Variants in HERC4 observed in about 807,000 individuals in gnomAD.
HERC4 encodes the protein HECT and RLD domain containing E3 ubiquitin protein ligase 4, also known as probable E3 ubiquitin-protein ligase HERC4.
A neutral mutation model predicts 124.3 loss-of-function variants in HERC4; 28 were observed. The observed-to-expected ratio is 0.23, with a 90% confidence interval of 0.17 to 0.31. The LOEUF is 0.31. Among genes scored for constraint, HERC4 ranks in the 10% least tolerant of loss-of-function variants. The pLI is 1.00. For synonymous variants in HERC4, 407 were observed against 421.5 expected (o/e 0.97, Z 0.42); for missense variants, 713 against 1,229.3 (o/e 0.58, Z 6.28).
intron 3 of HERC4, among the ~76,000 whole-genome samples, chr10:68,059,466 T>TTATATATTATATATTATAATAA (rs1564606685): frequency 3.8e-5 from 5 of 132,180 alleles, no homozygotes; most frequent in African/African-American, 1.1e-4. Context: ...TATAATAATA[T>TTATATATTATATATTATAATAA]TATATATTAT....
At position 67,983,097 on chromosome 10, in the gene HERC4, A is replaced by G. The variant is rs150275350; in HGVS notation, c.1806+5566T>C. 2.3e-4 allele frequency among the ~76,000 whole-genome samples: 35 copies of G among 151,928 alleles called. 2 individuals are homozygous for G. In the East Asian group the frequency reaches 6.6e-3, roughly 29 times the overall value. ...GAGCAAAAAAAAAAAAAAACAAAAC[A>G]AAAACAAACGGGCATATGAAAAGGC... On this transcript the variant is annotated intron_variant, in intron 15 of 24. Transcript: ENST00000373700.
intron 3 of HERC4, among the ~76,000 whole-genome samples, chr10:68,057,709 T>C (rs1589439886): frequency 8.2e-6 from 1 of 122,498 alleles, no homozygotes; most frequent in South Asian, 2.8e-4. Context: ...CACCTTATTA[T>C]TTTTTTTTTT....
chr10:67,983,086 A>C (rs117496261), intron 15 of HERC4, among the ~76,000 whole-genome samples: 14,636 of 151,828 alleles, frequency 0.096, 902 homozygotes, highest in Middle Eastern at 0.18. Flanking sequence ...AAAAAAAAAA[A>C]AAAACAAAAC....
At chr10:68,007,408 T>C (rs2037639296) in intron 9 of HERC4, among the ~76,000 whole-genome samples, 1 of 152,180 alleles carries the variant, frequency 6.6e-6, no homozygotes, top group South Asian at 2.1e-4. Context: ...AACAGCTGTT[T>C]TGAATTTCTG....
chr10:68,064,970 C>CA (rs773557069), intron 3 of HERC4, among the ~76,000 whole-genome samples: 659 of 96,094 alleles, frequency 6.9e-3, no homozygotes, highest in African/African-American at 0.014. Context: ...GGCTCCATCT[C>CA]AAAAAAAAAA....
rs533450098 is a variant in HERC4 at position 67,922,837 on chromosome 10, T to C, written c.*94A>G. 829 of 864,018 alleles carry C rather than the reference T, an allele frequency of 9.6e-4. 11 individuals carry two copies. The South Asian group carries it at 0.014, about 14-fold the overall frequency. 53.5% of individuals were successfully genotyped at this position (864,018 alleles called of 1,614,324 possible). ...AACATTCTGCAAGTAAGAATTATAA[T>C]AGTACCTCTGTCACCTTGCTGAATT... On this transcript the variant is annotated 3_prime_UTR_variant, in exon 25 of 25. Coordinates refer to ENST00000373700, the MANE Select transcript of HERC4 (RefSeq NM_015601.4).
At chr10:68,063,464 TC>T (rs2041137755) in intron 3 of HERC4, among the ~76,000 whole-genome samples, 1 of 152,102 alleles carries the variant, frequency 6.6e-6, no homozygotes. Flanking sequence ...TGTGTCAGCC[TC>T]CCAAAGTGCT....
At chr10:67,933,576 T>C (rs543430398) in intron 22 of HERC4, among the ~76,000 whole-genome samples, 2 of 152,296 alleles carry the variant, frequency 1.3e-5, no homozygotes, top group South Asian at 2.1e-4. Context: ...GATTCTGCAA[T>C]AGGAATAATG....
At chr10:68,001,908 C>T (rs1335832905) in intron 9 of HERC4, among the ~76,000 whole-genome samples, 2 of 152,152 alleles carry the variant, frequency 1.3e-5, no homozygotes, top group Non-Finnish European at 2.9e-5. Flanking sequence ...TGGCTGAATA[C>T]TATTCCACTA....
chr10:68,015,948 C>G (rs551581269), intron 8 of HERC4, among the ~76,000 whole-genome samples: 1 of 152,172 alleles, frequency 6.6e-6, no homozygotes, highest in Admixed American at 6.6e-5. Context: ...ATTAAAAATA[C>G]AAAAATTAGC....
chr10:68,059,539 T>A lies in HERC4; in HGVS notation c.226+13344A>T, dbSNP rs1282288553. Among the ~76,000 whole-genome samples the A allele has an allele frequency of 1.7e-5, 2 of 116,192 alleles. 1 individual carries two copies. The highest frequency in any genetic ancestry group is 3.3e-5 in the Non-Finnish European group (2 of 60,444). 76.2% of individuals were successfully genotyped at this position (116,192 alleles called of 152,430 possible). ...TATATCATAATAATATTATATATCA[T>A]ATTATATATCATAATATATATCATA... On this transcript the variant is annotated intron_variant, in intron 3 of 24. Coordinates refer to ENST00000373700, the MANE Select transcript of HERC4 (RefSeq NM_015601.4).
intron 15 of HERC4, among the ~76,000 whole-genome samples, chr10:67,980,481 C>G (rs1307231514): frequency 6.6e-6 from 1 of 152,076 alleles, no homozygotes; most frequent in Admixed American, 6.6e-5. Context: ...GGAATTTTAT[C>G]AACACTAGAC....
chr10:68,031,712 G>C (rs997930506), intron 7 of HERC4, among the ~76,000 whole-genome samples: 1 of 152,130 alleles, frequency 6.6e-6, no homozygotes, highest in African/African-American at 2.4e-5. Flanking sequence ...AAATTCCCAA[G>C]TAGAAATATA....
At chr10:67,999,582 G>A (rs2037105776) in intron 9 of HERC4, among the ~76,000 whole-genome samples, 3 of 152,150 alleles carry the variant, frequency 2.0e-5, no homozygotes, top group Admixed American at 2.0e-4. Flanking sequence ...AAGTACATTA[G>A]GATTCCTCAT....
chr10:67,975,436 ACCTCC>A (rs1256604994), intron 15 of HERC4, among the ~76,000 whole-genome samples: 1 of 151,874 alleles, frequency 6.6e-6, no homozygotes, highest in Non-Finnish European at 1.5e-5. Context: ...CTCTGTTGAC[ACCTCC>A]CAGGTTCAAA....
chr10:67,985,699 A>G (rs2036221693), intron 15 of HERC4, among the ~76,000 whole-genome samples: 1 of 152,236 alleles, frequency 6.6e-6, no homozygotes, highest in Admixed American at 6.5e-5. Flanking sequence ...TAACCCAATT[A>G]TTTGCCAGTA....
At chr10:67,923,425 T>A (rs753668393) in intron 24 of HERC4, among the ~76,000 whole-genome samples, 11 of 152,186 alleles carry the variant, frequency 7.2e-5, no homozygotes, top group Non-Finnish European at 1.3e-4. Flanking sequence ...TTGAGAGCCC[T>A]TTTTTGGAAA....
At chr10:67,942,341 T>C (rs557026467) in intron 19 of HERC4, among the ~76,000 whole-genome samples, 4 of 152,380 alleles carry the variant, frequency 2.6e-5, no homozygotes, top group Admixed American at 1.3e-4. Context: ...ATGTCAGTTA[T>C]TCTTCCTAGC....
At chr10:68,009,228 A>T (rs2037780138) in intron 9 of HERC4, among the ~76,000 whole-genome samples, 1 of 109,292 alleles carries the variant, frequency 9.1e-6, no homozygotes, top group African/African-American at 3.1e-5. Context: ...CTGTCTCATT[A>T]AAAAAAAAAA....
Sources: allele counts gnomAD v4.1 joint callset (sites outside exome capture counted in the v4.1 genomes callset), GRCh38; gene constraint gnomAD v4.1.1; transcripts MANE v1.5; gene names NCBI Gene and HGNC (gene_info 2026-07-23, HGNC 2026-07-21).